Variants in PTPRD observed in about 807,000 individuals in gnomAD.
The protein encoded by PTPRD is receptor-type tyrosine-protein phosphatase delta.
PTPRD carries 34 observed loss-of-function variants against 214.5 expected under a neutral mutation model. The ratio of observed to expected loss-of-function variants is 0.16; its 90% CI spans 0.12 to 0.21. The LOEUF (loss-of-function observed/expected upper bound fraction) is 0.21. PTPRD is among the 10% of genes least tolerant of loss of function. PTPRD has a pLI of 1.00. For missense variants in PTPRD, 2,545 were observed against 2,398.7 expected, an observed-to-expected ratio of 1.06 and a Z score of -1.27; for synonymous variants, 1,128 against 845.7, an observed-to-expected ratio of 1.33 and a Z score of -5.79.
intron 7 of PTPRD, among the ~76,000 whole-genome samples, chr9:9,593,196 GT>G (rs56345514): frequency 0.38 from 55,358 of 146,482 alleles, 10,718 homozygotes; most frequent in Non-Finnish European, 0.41. Context: ...TACCAGTTTT[GT>G]TTTTTTTTTG....
chr9:10,381,508 G>A (rs1320095985), intron 2 of PTPRD, among the ~76,000 whole-genome samples: 1 of 151,942 alleles, frequency 6.6e-6, no homozygotes, highest in Non-Finnish European at 1.5e-5. Context: ...ACAGAATTAT[G>A]GTCCTCCCAA....
chr9:10,531,075 G>C (rs984658706), intron 2 of PTPRD, among the ~76,000 whole-genome samples: 2 of 151,604 alleles, frequency 1.3e-5, no homozygotes, highest in Admixed American at 6.6e-5. Flanking sequence ...TAAGCCTTCC[G>C]AGTGGCTGGG....
intron 8 of PTPRD, among the ~76,000 whole-genome samples, chr9:9,514,644 G>C (rs926518239): frequency 2.6e-5 from 4 of 152,018 alleles, no homozygotes; most frequent in African/African-American, 4.8e-5. Context: ...GGAGAATTGA[G>C]ATATAAACAG....
chr9:10,157,055 A>C (rs968767904), intron 3 of PTPRD, among the ~76,000 whole-genome samples: 2 of 152,134 alleles, frequency 1.3e-5, no homozygotes, highest in Non-Finnish European at 2.9e-5. Context: ...TTGAAGAAAG[A>C]ATACCATTGC....
In PTPRD at chr9:8,485,337, G is replaced by C. The variant is rs1188735107; in HGVS notation, c.3056-13C>G. On this transcript the variant is annotated splice_polypyrimidine_tract_variant and intron_variant, in intron 28 of 45. Transcript: ENST00000381196. ...TTTTTTGCAAACACTGCTGGAAAAG[G>C]AAAAACAGTGTATTTAAACTATTCT... 6.3e-7 allele frequency: 1 copy of C among 1,583,792 alleles called. No homozygotes were observed. Among genetic ancestry groups the C allele is most frequent in the Non-Finnish European group, 8.7e-7 (1 of 1,152,956 alleles).
intron 44 of PTPRD, among the ~76,000 whole-genome samples, chr9:8,321,483 G>C (rs1277414269): frequency 7.4e-4 from 36 of 48,762 alleles, no homozygotes; most frequent in Middle Eastern, 0.012. Context: ...GTGTGTGTGT[G>C]TGTGTATATA....
intron 10 of PTPRD, among the ~76,000 whole-genome samples, chr9:9,174,807 T>A (rs1457092778): frequency 1.3e-5 from 2 of 152,184 alleles, no homozygotes; most frequent in Non-Finnish European, 2.9e-5. Context: ...CCATTTAATG[T>A]GCTAATGATT....
intron 11 of PTPRD, among the ~76,000 whole-genome samples, chr9:8,862,407 A>G (rs1368744588): frequency 6.6e-6 from 1 of 152,188 alleles, no homozygotes; most frequent in Non-Finnish European, 1.5e-5. Context: ...ATTCAATTGT[A>G]AAGAAGAAAA....
At chr9:8,396,924 G>A (rs12338308) in intron 36 of PTPRD, among the ~76,000 whole-genome samples, 12,819 of 152,150 alleles carry the variant, frequency 0.084, 886 homozygotes, top group African/African-American at 0.2. Flanking sequence ...AAAAAAGGAA[G>A]TGCTTTTATG....
chr9:9,835,338 A>G (rs1166278722), intron 5 of PTPRD, among the ~76,000 whole-genome samples: 3 of 152,068 alleles, frequency 2.0e-5, no homozygotes, highest in African/African-American at 7.2e-5. Context: ...ATTTAGTTAT[A>G]TAGATATGAT....
At chr9:10,271,017 G>A (rs184830915) in intron 3 of PTPRD, among the ~76,000 whole-genome samples, 137 of 152,114 alleles carry the variant, frequency 9.0e-4, no homozygotes, top group African/African-American at 3.3e-3. Flanking sequence ...TAGAGATAGG[G>A]TCTTGCTATG....
intron 37 of PTPRD, among the ~76,000 whole-genome samples, chr9:8,379,489 C>T (rs2084298358): frequency 6.6e-6 from 1 of 152,016 alleles, no homozygotes; most frequent in African/African-American, 2.4e-5. Context: ...TTTCTGATTT[C>T]AGCATTAGGG....
At chr9:8,523,150 G>T (rs1261325963) in intron 19 of PTPRD, among the ~76,000 whole-genome samples, 1 of 152,070 alleles carries the variant, frequency 6.6e-6, no homozygotes, top group African/African-American at 2.4e-5. Context: ...TGGGATTAGG[G>T]GAGAAACTAG....
At chr9:8,370,137 A>C (rs866501397) in intron 39 of PTPRD, among the ~76,000 whole-genome samples, 20 of 152,132 alleles carry the variant, frequency 1.3e-4, no homozygotes, top group South Asian at 6.2e-4. Flanking sequence ...GTTCTGCCCC[A>C]AAATCACATT....
At chr9:8,913,521 T>C (rs2098762800) in intron 11 of PTPRD, among the ~76,000 whole-genome samples, 1 of 152,180 alleles carries the variant, frequency 6.6e-6, no homozygotes, top group Non-Finnish European at 1.5e-5. Context: ...TCTGCATACA[T>C]CTGGCATAGC....
chr9:8,814,919 C>T (rs1320382173), intron 11 of PTPRD, among the ~76,000 whole-genome samples: 3 of 152,200 alleles, frequency 2.0e-5, no homozygotes, highest in East Asian at 1.9e-4. Flanking sequence ...TGGAGAAGAG[C>T]GTTCATATCA....
chr9:9,009,238 A>C (rs2099497206), intron 11 of PTPRD, among the ~76,000 whole-genome samples: 1 of 152,130 alleles, frequency 6.6e-6, no homozygotes. Flanking sequence ...AAAAATTACC[A>C]GGAATATGAT....
chr9:8,633,927 C>T (rs2096342084), intron 13 of PTPRD, among the ~76,000 whole-genome samples: 1 of 151,938 alleles, frequency 6.6e-6, no homozygotes, highest in Non-Finnish European at 1.5e-5. Flanking sequence ...TCATCCTGAA[C>T]AGTATAGATA....
intron 14 of PTPRD, among the ~76,000 whole-genome samples, chr9:8,534,418 T>C (rs2076428937): frequency 6.6e-6 from 1 of 151,916 alleles, no homozygotes; most frequent in South Asian, 2.1e-4. Context: ...GCAAACACTG[T>C]GGGTCTTCCT....
Sources: allele counts gnomAD v4.1 joint callset (sites outside exome capture counted in the v4.1 genomes callset), GRCh38; gene constraint gnomAD v4.1.1; transcripts MANE v1.5; gene names NCBI Gene and HGNC (gene_info 2026-07-23, HGNC 2026-07-21).